NLRP4: variants seen among roughly 807,000 people sequenced by gnomAD.
The protein encoded by NLRP4 is NLR family pyrin domain containing 4.
NLRP4 carries 44 observed loss-of-function variants against 84.7 expected under a neutral mutation model. That is an observed-to-expected ratio of 0.52 (90% CI 0.41 to 0.67). NLRP4 has a LOEUF of 0.67. NLRP4 is among the 30% of genes least tolerant of loss of function. The probability of loss-of-function intolerance (pLI) is 0.00; values close to 1 mark genes in which losing one functional copy is unlikely to be tolerated. For missense variants in NLRP4, 1,260 were observed against 1,219.4 expected, an observed-to-expected ratio of 1.03 and a Z score of -0.50; for synonymous variants, 544 against 476.4, an observed-to-expected ratio of 1.14 and a Z score of -1.85.
chr19:55,866,378 T>C (rs1984955950), intron 5 of NLRP4, among the ~76,000 whole-genome samples: 1 of 152,204 alleles, frequency 6.6e-6, no homozygotes, highest in Admixed American at 6.5e-5. Flanking sequence ...AAAGCATGCA[T>C]GGCCTCAGAG....
chr19:55,838,962 T>A (rs1983502219), intron 1 of NLRP4, among the ~76,000 whole-genome samples: 1 of 152,106 alleles, frequency 6.6e-6, no homozygotes, highest in Non-Finnish European at 1.5e-5. Context: ...CCTGTTTTTT[T>A]TTTTTCTTTT....
chr19:55,844,438 G>A (rs894625595), intron 1 of NLRP4, among the ~76,000 whole-genome samples: 2 of 152,004 alleles, frequency 1.3e-5, no homozygotes, highest in African/African-American at 4.8e-5. Context: ...CCACCACTTG[G>A]CTAAGTTTTG....
intron 5 of NLRP4, among the ~76,000 whole-genome samples, chr19:55,866,677 C>A (rs961574763): frequency 6.6e-6 from 1 of 152,130 alleles, no homozygotes; most frequent in Admixed American, 6.5e-5. Context: ...GAGCAGAGAC[C>A]TGAATGATAA....
chr19:55,839,693 G>A (rs938270562), intron 1 of NLRP4, among the ~76,000 whole-genome samples: 18 of 152,020 alleles, frequency 1.2e-4, no homozygotes, highest in Non-Finnish European at 1.8e-4. Flanking sequence ...CTTGTTGGGG[G>A]TTATCCAGTT....
intron 4 of NLRP4, 36 bp from the exon 5 acceptor site, chr19:55,861,956 G>A (rs777891519): frequency 6.7e-7 from 1 of 1,503,182 alleles, no homozygotes; most frequent in Non-Finnish European, 9.3e-7. Context: ...GCTCCCATTA[G>A]ATGAAACTCA....
chr19:55,867,996 T>G, intron 6 of NLRP4, 120 bp downstream of exon 6: 1 of 862,854 alleles, frequency 1.2e-6, no homozygotes, highest in East Asian at 2.5e-5. Context: ...AAGCTCACGC[T>G]TAAGAATCAG....
In NLRP4 at chr19:55,839,308, A is replaced by AGTGTGTGTGTGTGTGTGTGTGTGT. The variant is rs59705356; in HGVS notation, c.-66+2387_-66+2388insTGTGTGTGTGTGTGTGTGTGTGTG. 4.3e-4 allele frequency among the ~76,000 whole-genome samples: 65 copies of AGTGTGTGTGTGTGTGTGTGTGTGT among 151,468 alleles called. 1 individual carries two copies. The highest frequency in any genetic ancestry group is 8.6e-4 in the Admixed American group (13 of 15,202). ...ATTATCTAACCTATGCCTCAGTTTGAGTGTGTGTGTGTGCTCTTTCACACA... is the reference window on the plus strand; with the variant it reads ...ATTATCTAACCTATGCCTCAGTTTGAGTGTGTGTGTGTGTGTGTGTGTGTGTGTGTGTGTGTGCTCTTTCACACA... On this transcript the variant is annotated intron_variant, in intron 1 of 9. Transcript: ENST00000301295.
chr19:55,841,186 T>C (rs981223419), intron 1 of NLRP4, among the ~76,000 whole-genome samples: 2 of 152,188 alleles, frequency 1.3e-5, no homozygotes, highest in African/African-American at 4.8e-5. Flanking sequence ...GCCACACTGT[T>C]ATTTGCTTTA....
intron 7 of NLRP4, among the ~76,000 whole-genome samples, chr19:55,871,846 CTT>C (rs376627745): frequency 3.7e-4 from 52 of 142,002 alleles, no homozygotes; most frequent in Non-Finnish European, 3.1e-4. Flanking sequence ...CAGAAATAAT[CTT>C]TTTTTTTTTT....
chr19:55,862,689 G>A (rs1051984189), intron 5 of NLRP4, among the ~76,000 whole-genome samples: 10 of 143,384 alleles, frequency 7.0e-5, no homozygotes, highest in African/African-American at 2.1e-4. Flanking sequence ...GTAAGTCTCC[G>A]TTTATTGAGA....
chr19:55,854,143 TG>T (rs1176188594), intron 2 of NLRP4, among the ~76,000 whole-genome samples: 5 of 151,896 alleles, frequency 3.3e-5, no homozygotes, highest in Admixed American at 6.6e-5. Flanking sequence ...CTAATTTTTT[TG>T]TATTTTTAGT....
intron 5 of NLRP4, among the ~76,000 whole-genome samples, chr19:55,867,319 A>C (rs1001735431): frequency 5.3e-5 from 8 of 150,686 alleles, no homozygotes; most frequent in African/African-American, 2.0e-4. Flanking sequence ...CATGTAACTG[A>C]GACTGTGTCT....
chr19:55,850,226 TTTCC>T lies in NLRP4; in HGVS notation c.-65-1789_-65-1786del, dbSNP rs1354759336. On this transcript the variant is annotated intron_variant, in intron 1 of 9. Coordinates refer to ENST00000301295, the MANE Select transcript of NLRP4 (RefSeq NM_134444.5). ...TGTAATTTCCGTGGCTGCGGTGTAATTTCCGTGGCTGCGGTGTAATTTCCGAGGC... is the reference window on the plus strand; with the variant it reads ...TGTAATTTCCGTGGCTGCGGTGTAATGTGGCTGCGGTGTAATTTCCGAGGC... 1.3e-4 allele frequency among the ~76,000 whole-genome samples: 19 copies of T among 144,586 alleles called. 1 individual carries two copies. Among genetic ancestry groups the T allele is most frequent in the African/African-American group, 5.2e-4 (19 of 36,862 alleles). 94.9% of individuals were successfully genotyped at this position (144,586 alleles called of 152,430 possible).
chr19:55,851,127 G>T (rs1215351278), intron 1 of NLRP4, among the ~76,000 whole-genome samples: 27 of 80,774 alleles, frequency 3.3e-4, no homozygotes, highest in African/African-American at 8.5e-4. Flanking sequence ...GCGGTGTAAT[G>T]TCCGAGGCTG....
chr19:55,858,276 G>C lies in NLRP4; in HGVS notation c.883G>C (p.Glu295Gln). 6.2e-7 allele frequency: 1 copy of C among 1,614,188 alleles called. No homozygotes were observed. The highest frequency in any genetic ancestry group is 8.5e-7 in the Non-Finnish European group (1 of 1,180,028). The change falls in exon 3 of 10, where the codon GAA becomes CAA. Residue 295 changes from glutamate (E) to glutamine (Q), a missense_variant. Around this residue, in one of 3 missense-constraint regions of NLRP4, gnomAD observed 712 missense variants for 669.2 expected, o/e 1.06. Coordinates refer to ENST00000301295, the MANE Select transcript of NLRP4 (RefSeq NM_134444.5). This position sits in a 1 kb window ranked among gnomAD's most constrained non-coding sequence, Gnocchi z 4.2. ...GCTCCGGGATCAGGTGACGATCTCAGAAATCTACCAGCCCCGGGGATTCAA... is the reference window on the plus strand; with the variant it reads ...GCTCCGGGATCAGGTGACGATCTCACAAATCTACCAGCCCCGGGGATTCAA... Reference protein sequence around the residue: ...KELRDQVTISEIYQPRGFNES... With the variant: ...KELRDQVTISQIYQPRGFNES...
At chr19:55,854,057 C>T (rs1337203293) in intron 2 of NLRP4, among the ~76,000 whole-genome samples, 2 of 152,028 alleles carry the variant, frequency 1.3e-5, no homozygotes, top group African/African-American at 2.4e-5. Flanking sequence ...GCAGCTTCCA[C>T]CTCCTGGGTT....
intron 2 of NLRP4, chr19:55,857,325 ATGTGTGTGTGTG>A (rs35115500): frequency 1.5e-4 from 42 of 272,746 alleles, no homozygotes; most frequent in Admixed American, 6.3e-4. Flanking sequence ...GTAGCAATGA[ATGTGTGTGTGTG>A]TGTGTGTGTG....
At chr19:55,848,955 A>G (rs1983910745) in intron 1 of NLRP4, among the ~76,000 whole-genome samples, 1 of 151,944 alleles carries the variant, frequency 6.6e-6, no homozygotes, top group South Asian at 2.1e-4. Context: ...GTCTGCCGCC[A>G]TGTAAGATGT....
Position 55,881,704 on chromosome 19 carries a change from T to C in NLRP4, c.*117T>C. ...CATTGATACTCTGAGTTGTGAGATTTCTGGCACCCCATTCATAGATTTGAT... is the reference window on the plus strand; with the variant it reads ...CATTGATACTCTGAGTTGTGAGATTCCTGGCACCCCATTCATAGATTTGAT... On this transcript the variant is annotated 3_prime_UTR_variant, in exon 10 of 10. Transcript: ENST00000301295. 1 of 597,918 alleles carries C rather than the reference T, an allele frequency of 1.7e-6. No homozygotes were observed. Among genetic ancestry groups the C allele is most frequent in the South Asian group, 2.4e-5 (1 of 42,124 alleles). 37.0% of individuals were successfully genotyped at this position (597,918 alleles called of 1,614,324 possible).
Sources: allele counts gnomAD v4.1 joint callset (sites outside exome capture counted in the v4.1 genomes callset), GRCh38; gene constraint gnomAD v4.1.1; regional missense constraint gnomAD v4.1.1; non-coding constraint Gnocchi (gnomAD v3.1); transcripts MANE v1.5; gene names NCBI Gene and HGNC (gene_info 2026-07-23, HGNC 2026-07-21).